Variants in RARB observed in about 807,000 individuals in gnomAD.
RARB encodes the protein HBV-activated protein.
In RARB, 17 loss-of-function variants were observed where a neutral mutation model predicts 51.9. The observed-to-expected ratio is 0.33, with a 90% CI of 0.22 to 0.49. The LOEUF is 0.49. Among genes scored for constraint, RARB ranks in the 20% least tolerant of loss-of-function variants. The pLI is 0.99. For missense variants in RARB, 369 were observed against 550.8 expected, an observed-to-expected ratio of 0.67 and a Z score of 3.30; for synonymous variants, 215 against 195.4, an observed-to-expected ratio of 1.10 and a Z score of -0.84.
intron 5 of RARB, among the ~76,000 whole-genome samples, chr3:25,410,615 C>T (rs766279853): frequency 6.6e-6 from 1 of 152,132 alleles, no homozygotes. Flanking sequence ...GTTACAGTAA[C>T]CTAGAAAACA....
At chr3:24,893,263 A>AAG (rs1703418026) in intron 2 of RARB, among the ~76,000 whole-genome samples, 1 of 152,214 alleles carries the variant, frequency 6.6e-6, no homozygotes, top group Non-Finnish European at 1.5e-5. Context: ...AGTCCCTGGG[A>AAG]GACATTTTAA....
intron 3 of RARB, among the ~76,000 whole-genome samples, chr3:25,509,164 A>G (rs894209302): frequency 6.6e-6 from 1 of 152,250 alleles, no homozygotes; most frequent in Non-Finnish European, 1.5e-5. Flanking sequence ...GGTCAAATGC[A>G]GCCCTCGCCT....
intron 5 of RARB, among the ~76,000 whole-genome samples, chr3:25,206,713 G>C (rs959152776): frequency 6.6e-6 from 1 of 152,140 alleles, no homozygotes; most frequent in African/African-American, 2.4e-5. Flanking sequence ...ATTCTTTCTG[G>C]AAAAAATGTG....
intron 2 of RARB, among the ~76,000 whole-genome samples, chr3:24,900,572 G>A (rs1703582460): frequency 6.6e-6 from 1 of 152,174 alleles, no homozygotes; most frequent in Non-Finnish European, 1.5e-5. Context: ...AACTGTTAAT[G>A]CATCATGTTG....
intron 3 of RARB, among the ~76,000 whole-genome samples, chr3:25,531,602 T>C (rs1420816739): frequency 6.6e-6 from 1 of 152,094 alleles, no homozygotes; most frequent in Non-Finnish European, 1.5e-5. Context: ...AATGTGAAAA[T>C]GCTTGACCAA....
intron 4 of RARB, among the ~76,000 whole-genome samples, chr3:25,168,127 T>TA (rs1182691587): frequency 3.3e-5 from 5 of 152,300 alleles, no homozygotes; most frequent in Non-Finnish European, 5.9e-5. Context: ...ACATCTAATG[T>TA]TAATGGAAAT....
intron 4 of RARB, among the ~76,000 whole-genome samples, chr3:25,580,126 G>A (rs1424288882): frequency 1.3e-5 from 2 of 152,342 alleles, no homozygotes; most frequent in South Asian, 2.1e-4. Context: ...TGTAATCCCA[G>A]CACTTTGGGA....
intron 2 of RARB, among the ~76,000 whole-genome samples, chr3:25,028,730 C>T (rs1697805359): frequency 6.6e-6 from 1 of 152,156 alleles, no homozygotes; most frequent in African/African-American, 2.4e-5. Context: ...TGTCCCACCT[C>T]TTCCTGTGCT....
At chr3:25,178,226 G>C (rs1349893029) in intron 5 of RARB, among the ~76,000 whole-genome samples, 1 of 152,084 alleles carries the variant, frequency 6.6e-6, no homozygotes, top group Non-Finnish European at 1.5e-5. Flanking sequence ...GTGTGTACAT[G>C]CCCTTGTCTT....
chr3:25,031,861 T>C lies in RARB; in HGVS notation c.-379-28264T>C, dbSNP rs571681685. ...TAGGGATTAATATTAGTACTTAAAC[T>C]AAAAAGAAACAAAAAACTCTAAACC... On this transcript the variant is annotated intron_variant, in intron 2 of 11. Coordinates refer to the RARB transcript ENST00000383772. Among the ~76,000 whole-genome samples, 8 of 152,242 alleles carry C rather than the reference T, an allele frequency of 5.3e-5. No individual in the cohort carries two copies. In the East Asian group the frequency reaches 1.5e-3, roughly 29 times the overall value.
At chr3:25,003,289 T>G (rs372044341) in intron 2 of RARB, among the ~76,000 whole-genome samples, 3 of 151,962 alleles carry the variant, frequency 2.0e-5, no homozygotes, top group East Asian at 1.9e-4. Flanking sequence ...CCATGCTGTT[T>G]AGGAAGGAAA....
chr3:25,317,927 T>TTG (rs1454712509), intron 5 of RARB, among the ~76,000 whole-genome samples: 1 of 29,408 alleles, frequency 3.4e-5, no homozygotes, highest in African/African-American at 1.1e-4. Flanking sequence ...AAATGCGGAA[T>TTG]TAGTGGAATT....
chr3:25,228,374 C>G (rs1702104854), intron 5 of RARB, among the ~76,000 whole-genome samples: 1 of 151,936 alleles, frequency 6.6e-6, no homozygotes, highest in Non-Finnish European at 1.5e-5. Context: ...CATTGCCTCT[C>G]TTTTTAGCAG....
intron 5 of RARB, among the ~76,000 whole-genome samples, chr3:25,422,334 T>C (rs1211170504): frequency 6.6e-6 from 1 of 152,198 alleles, no homozygotes. Context: ...AAGTGGCACA[T>C]CTAATCTTAG....
At chr3:25,351,064 A>C (rs1323219267) in intron 5 of RARB, among the ~76,000 whole-genome samples, 1 of 152,182 alleles carries the variant, frequency 6.6e-6, no homozygotes, top group Non-Finnish European at 1.5e-5. Flanking sequence ...CTTAGTTTTA[A>C]GGAATAAGCA....
intron 1 of RARB, among the ~76,000 whole-genome samples, chr3:25,449,511 C>T (rs776446325): frequency 2.8e-4 from 42 of 152,108 alleles, no homozygotes; most frequent in Non-Finnish European, 5.1e-4. Flanking sequence ...CTAAAACTTC[C>T]TGCCAGGGAC....
At chr3:25,374,204 C>T (rs561955905) in intron 5 of RARB, among the ~76,000 whole-genome samples, 2 of 152,058 alleles carry the variant, frequency 1.3e-5, no homozygotes, top group South Asian at 2.1e-4. Flanking sequence ...CAGTAACACA[C>T]GCAAATACAT....
chr3:25,172,391 CCTA>C (rs1327015469), intron 4 of RARB, among the ~76,000 whole-genome samples: 1 of 152,096 alleles, frequency 6.6e-6, no homozygotes, highest in African/African-American at 2.4e-5. Context: ...CTCACTGAGA[CCTA>C]CTCTTCTCAT....
At chr3:25,383,150 T>C (rs1037290972) in intron 5 of RARB, among the ~76,000 whole-genome samples, 1 of 152,192 alleles carries the variant, frequency 6.6e-6, no homozygotes. Flanking sequence ...ATTGGTTTGG[T>C]CAGTCTCATT....
Sources: gnomAD v4.1 joint callset for allele counts (sites outside exome capture counted in the v4.1 genomes callset) on GRCh38, gnomAD v4.1.1 for gene constraint, MANE v1.5 for transcripts, NCBI Gene and HGNC (gene_info 2026-07-23, HGNC 2026-07-21) for gene names.